Variants in CAMK2D observed in about 807,000 individuals in gnomAD.
CAMK2D encodes the protein calcium/calmodulin dependent protein kinase II delta.
A neutral mutation model predicts 84.0 loss-of-function variants in CAMK2D; 37 were observed. The observed-to-expected ratio is 0.44, with a 90% CI of 0.34 to 0.58. CAMK2D has a LOEUF of 0.58. Among genes scored for constraint, CAMK2D ranks in the 20% least tolerant of loss-of-function variants. The pLI is 0.02. For missense variants in CAMK2D, 448 were observed against 652.5 expected (o/e 0.69, Z 3.41); for synonymous variants, 202 against 212.5 (o/e 0.95, Z 0.43).
intron 10 of CAMK2D, 71 bp downstream of exon 10, chr4:113,514,998 C>A: frequency 7.4e-7 from 1 of 1,357,956 alleles, no homozygotes; most frequent in Non-Finnish European, 1.0e-6. Flanking sequence ...ATTTTAAATC[C>A]ATAAACAATA....
intron 2 of CAMK2D, among the ~76,000 whole-genome samples, chr4:113,694,840 C>G (rs566526734): frequency 6.6e-6 from 1 of 152,278 alleles, no homozygotes; most frequent in East Asian, 1.9e-4. Flanking sequence ...AGGCTTTCTA[C>G]TAATTAGCAA....
chr4:113,676,133 AT>A (rs2099317424), intron 2 of CAMK2D, among the ~76,000 whole-genome samples: 3 of 152,202 alleles, frequency 2.0e-5, no homozygotes, highest in African/African-American at 7.2e-5. Flanking sequence ...CACTTTATGT[AT>A]TAAAGACTTG....
At chr4:113,639,327 A>G (rs2099122822) in intron 3 of CAMK2D, among the ~76,000 whole-genome samples, 1 of 152,184 alleles carries the variant, frequency 6.6e-6, no homozygotes, top group Non-Finnish European at 1.5e-5. Flanking sequence ...CAAGATTATT[A>G]TACCATACTC....
intron 3 of CAMK2D, among the ~76,000 whole-genome samples, chr4:113,623,385 C>T (rs78721795): frequency 0.091 from 12,219 of 134,828 alleles, 545 homozygotes; most frequent in East Asian, 0.21. Flanking sequence ...TGTGTATATA[C>T]ACACACACAC....
chr4:113,513,156 T>C (rs1330775155), intron 12 of CAMK2D, 172 bp downstream of exon 12: 2 of 984,642 alleles, frequency 2.0e-6, no homozygotes, highest in African/African-American at 1.7e-5. Flanking sequence ...AGCACCCAGG[T>C]AGACTGCTAA....
intron 4 of CAMK2D, among the ~76,000 whole-genome samples, chr4:113,582,842 C>T (rs1401984631): frequency 6.6e-6 from 1 of 152,180 alleles, no homozygotes; most frequent in Non-Finnish European, 1.5e-5. Context: ...CCACAGCTTG[C>T]CGATAAATGG....
intron 2 of CAMK2D, among the ~76,000 whole-genome samples, chr4:113,709,780 T>TATGA (rs1554070847): frequency 2.3e-5 from 3 of 129,268 alleles, no homozygotes; most frequent in African/African-American, 6.0e-5. Context: ...TATATATATA[T>TATGA]ATGAGAGACT....
chr4:113,589,322 C>T (rs746082632), intron 4 of CAMK2D, among the ~76,000 whole-genome samples: 1 of 151,970 alleles, frequency 6.6e-6, no homozygotes, highest in Non-Finnish European at 1.5e-5. Flanking sequence ...ATGGTTTTGG[C>T]CAAGGGGGTG....
At chr4:113,548,118 C>G (rs1373822785) in intron 5 of CAMK2D, among the ~76,000 whole-genome samples, 1 of 152,176 alleles carries the variant, frequency 6.6e-6, no homozygotes, top group Non-Finnish European at 1.5e-5. Flanking sequence ...TAAAAGCTGT[C>G]ACATTAACAG....
At chr4:113,542,497 C>T (rs1308999817) in intron 6 of CAMK2D, among the ~76,000 whole-genome samples, 1 of 151,144 alleles carries the variant, frequency 6.6e-6, no homozygotes, top group African/African-American at 2.4e-5. Context: ...GGGCGGATCA[C>T]GAGGTCAGGA....
At chr4:113,680,552 A>G (rs1206849947) in intron 2 of CAMK2D, among the ~76,000 whole-genome samples, 2 of 152,044 alleles carry the variant, frequency 1.3e-5, no homozygotes, top group African/African-American at 2.4e-5. Context: ...CTTAAAAAAA[A>G]GTTTAATAGG....
intron 3 of CAMK2D, among the ~76,000 whole-genome samples, chr4:113,614,080 T>C (rs952858023): frequency 6.6e-6 from 1 of 152,162 alleles, no homozygotes; most frequent in Non-Finnish European, 1.5e-5. Flanking sequence ...TGAGACTTAA[T>C]ATCTTTCCTA....
intron 18 of CAMK2D, among the ~76,000 whole-genome samples, chr4:113,459,727 A>G (rs1441990410): frequency 1.3e-5 from 2 of 151,212 alleles, no homozygotes; most frequent in African/African-American, 2.4e-5. Flanking sequence ...CACGGGTTCA[A>G]GCAATTCTCA....
At chr4:113,718,903 T>C (rs1180146897) in intron 2 of CAMK2D, among the ~76,000 whole-genome samples, 4 of 152,160 alleles carry the variant, frequency 2.6e-5, no homozygotes, top group African/African-American at 9.7e-5. Context: ...CAAAAGGATA[T>C]AGTGACAAAT....
At chr4:113,469,675 G>A (rs1157268581) in intron 16 of CAMK2D, among the ~76,000 whole-genome samples, 1 of 152,072 alleles carries the variant, frequency 6.6e-6, no homozygotes, top group African/African-American at 2.4e-5. Context: ...AACATATACT[G>A]AACTGAGCTT....
chr4:113,474,927 G>A (rs138814332), intron 16 of CAMK2D, among the ~76,000 whole-genome samples: 4,443 of 152,266 alleles, frequency 0.029, 216 homozygotes, highest in African/African-American at 0.099. Context: ...GATTACAGGC[G>A]TGAGCCACCG....
At chr4:113,697,111 C>G (rs1190900943) in intron 2 of CAMK2D, among the ~76,000 whole-genome samples, 1 of 152,004 alleles carries the variant, frequency 6.6e-6, no homozygotes, top group African/African-American at 2.4e-5. Context: ...GAGGGTCTCA[C>G]TATAGGCACA....
chr4:113,533,643 C>G (rs926306324), intron 7 of CAMK2D, among the ~76,000 whole-genome samples: 11 of 151,046 alleles, frequency 7.3e-5, no homozygotes, highest in African/African-American at 2.7e-4. Context: ...TTCCATGAAC[C>G]AAGATCTTGG....
chr4:113,523,823 T>TAAA (rs2098393598), intron 8 of CAMK2D, among the ~76,000 whole-genome samples: 1 of 148,450 alleles, frequency 6.7e-6, no homozygotes, highest in Admixed American at 7.0e-5. Flanking sequence ...AAATAAATAA[T>TAAA]TAGTACATAA....
Sources: gnomAD v4.1 joint callset for allele counts (sites outside exome capture counted in the v4.1 genomes callset) on GRCh38, gnomAD v4.1.1 for gene constraint, MANE v1.5 for transcripts, NCBI Gene and HGNC (gene_info 2026-07-23, HGNC 2026-07-21) for gene names.